The following SORBS2 variants were observed in gnomAD, a reference collection of about 807,000 sequenced individuals.
SORBS2 encodes the protein sorbin and SH3 domain containing 2, also known as sorbin and SH3 domain-containing protein 2.
A neutral mutation model predicts 97.7 loss-of-function variants in SORBS2; 46 were observed. That is an observed-to-expected ratio of 0.47 (90% CI 0.37 to 0.60). The LOEUF (loss-of-function observed/expected upper bound fraction) is 0.60. SORBS2 is among the 20% of genes least tolerant of loss of function. The pLI, the probability that SORBS2 is intolerant of heterozygous loss-of-function variation, is 0.00. For synonymous variants in SORBS2, 476 were observed against 473.4 expected (o/e 1.01, Z -0.07); for missense variants, 1,316 against 1,282.3 (o/e 1.03, Z -0.40).
At chr4:185,588,393 G>C in intron 14 of SORBS2, among the ~76,000 whole-genome samples, 1 of 152,164 alleles carries the variant, frequency 6.6e-6, no homozygotes, top group Non-Finnish European at 1.5e-5. Flanking sequence ...TTCGCCTCTG[G>C]TTTCAAATAA....
intron 2 of SORBS2, among the ~76,000 whole-genome samples, chr4:185,756,023 G>A (rs967724636): frequency 5.3e-5 from 8 of 152,182 alleles, no homozygotes; most frequent in Admixed American, 1.3e-4. Flanking sequence ...ATAAAATTGA[G>A]GTAACTTGAT....
At chr4:185,946,579 C>A (rs2099274657) in intron 1 of SORBS2, among the ~76,000 whole-genome samples, 1 of 152,278 alleles carries the variant, frequency 6.6e-6, no homozygotes, top group South Asian at 2.1e-4. Context: ...GTGTTCTAAT[C>A]AAAACATCAG....
intron 8 of SORBS2, 112 bp from the exon 21 acceptor site, chr4:185,618,743 G>A (rs896659563): frequency 1.8e-6 from 1 of 549,188 alleles, no homozygotes; most frequent in Non-Finnish European, 3.3e-6. Context: ...TCAAACATAT[G>A]TAATGTTAAT....
chr4:185,779,901 A>C (rs972963714), intron 1 of SORBS2, among the ~76,000 whole-genome samples: 1 of 152,176 alleles, frequency 6.6e-6, no homozygotes, highest in Non-Finnish European at 1.5e-5. Flanking sequence ...AGATTCTCCT[A>C]TAGAAATCAG....
intron 1 of SORBS2, among the ~76,000 whole-genome samples, chr4:185,950,162 G>A (rs1318432725): frequency 2.6e-5 from 4 of 151,584 alleles, no homozygotes; most frequent in African/African-American, 7.3e-5. Flanking sequence ...TGAGGCAGGA[G>A]AATCGTTTGA....
intron 2 of SORBS2, among the ~76,000 whole-genome samples, chr4:185,683,010 G>A (rs1212860939): frequency 2.8e-5 from 3 of 106,354 alleles, no homozygotes; most frequent in Admixed American, 2.0e-4. Context: ...AGACCCACCC[G>A]TCTCAAAAAA....
chr4:185,918,179 T>C (rs1459623877), intron 1 of SORBS2: 1 of 152,198 alleles, frequency 6.6e-6, no homozygotes, highest in Non-Finnish European at 1.5e-5. Flanking sequence ...GATTCACTAA[T>C]CACCAACATT....
chr4:185,836,083 C>G (rs568765551), intron 1 of SORBS2, among the ~76,000 whole-genome samples: 1 of 151,838 alleles, frequency 6.6e-6, no homozygotes, highest in Non-Finnish European at 1.5e-5. Context: ...ATGTAATAAA[C>G]GATGACCCAG....
At chr4:185,759,259 T>G (rs1018877780) in intron 2 of SORBS2, among the ~76,000 whole-genome samples, 6 of 152,236 alleles carry the variant, frequency 3.9e-5, no homozygotes, top group African/African-American at 1.4e-4. Context: ...AAAAATGATT[T>G]CTGCCCAATG....
intron 2 of SORBS2, among the ~76,000 whole-genome samples, chr4:185,725,354 C>T (rs892241684): frequency 1.3e-5 from 2 of 152,198 alleles, no homozygotes; most frequent in Non-Finnish European, 2.9e-5. Flanking sequence ...GGAGAAGCGG[C>T]ATTTGAGAAA....
chr4:185,938,773 A>C (rs2099270373), intron 1 of SORBS2, among the ~76,000 whole-genome samples: 1 of 151,902 alleles, frequency 6.6e-6, no homozygotes, highest in South Asian at 2.1e-4. Context: ...AGAACCCACC[A>C]GTGCAAATGT....
intron 2 of SORBS2, among the ~76,000 whole-genome samples, chr4:185,727,721 T>C (rs1318326145): frequency 6.6e-6 from 1 of 152,256 alleles, no homozygotes; most frequent in Non-Finnish European, 1.5e-5. Flanking sequence ...ATTAGGCTTA[T>C]TTTATTTTGA....
chr4:185,753,523 C>A (rs1230967685), intron 2 of SORBS2, among the ~76,000 whole-genome samples: 1 of 152,038 alleles, frequency 6.6e-6, no homozygotes, highest in Non-Finnish European at 1.5e-5. Flanking sequence ...TAAACAGGTT[C>A]AAGTCTATTT....
chr4:185,640,379 G>T (rs916111527), intron 4 of SORBS2, among the ~76,000 whole-genome samples: 2 of 152,112 alleles, frequency 1.3e-5, no homozygotes, highest in African/African-American at 4.8e-5. Flanking sequence ...TATTGCGACT[G>T]TTTGTTTTTT....
chr4:185,930,526 C>T (rs2099265923), intron 1 of SORBS2, among the ~76,000 whole-genome samples: 2 of 152,162 alleles, frequency 1.3e-5, no homozygotes, highest in South Asian at 4.2e-4. Context: ...TCTCGATCTC[C>T]TGACCTCGTG....
At chr4:185,886,886 A>G (rs535314474) in intron 1 of SORBS2, among the ~76,000 whole-genome samples, 3 of 152,348 alleles carry the variant, frequency 2.0e-5, no homozygotes, top group Non-Finnish European at 4.4e-5. Flanking sequence ...GGTTTGCCCC[A>G]AAGGGTATAA....
chr4:185,719,581 G>A (rs2098495625), intron 2 of SORBS2, among the ~76,000 whole-genome samples: 1 of 152,234 alleles, frequency 6.6e-6, no homozygotes, highest in African/African-American at 2.4e-5. Context: ...TATTTTGGTG[G>A]CAAGCATCAT....
rs542385219 is a variant in SORBS2, at chr4:185,909,534, A to T, written c.-338+46662T>A. On this transcript the variant is annotated intron_variant, in intron 1 of 20. Transcript: ENST00000284776. ...TTACACTCGTACTTCTTAAATTTAT[A>T]TAAATTAAGATAAATAAATAAAAGG... 1.3e-4 allele frequency among the ~76,000 whole-genome samples: 20 copies of T among 151,702 alleles called. No individual in the cohort carries two copies. In the South Asian group the frequency reaches 4.2e-3, roughly 32 times the overall value.
chr4:185,943,921 CA>C (rs2099273311), intron 1 of SORBS2, among the ~76,000 whole-genome samples: 1 of 152,168 alleles, frequency 6.6e-6, no homozygotes, highest in African/African-American at 2.4e-5. Flanking sequence ...AGTACAGCAA[CA>C]TGTTAATAAT....
Sources: allele counts gnomAD v4.1 joint callset (sites outside exome capture counted in the v4.1 genomes callset), GRCh38; gene constraint gnomAD v4.1.1; transcripts MANE v1.5; gene names NCBI Gene and HGNC (gene_info 2026-07-23, HGNC 2026-07-21).